The following C15orf39 variants were observed in gnomAD, a reference collection of about 807,000 sequenced individuals.
C15orf39 encodes the protein PRMT2 interacting protein.
C15orf39 carries 24 observed loss-of-function variants against 53.9 expected under a neutral mutation model. The observed-to-expected ratio is 0.45, with a 90% CI of 0.32 to 0.63. The LOEUF (loss-of-function observed/expected upper bound fraction) is 0.63, where lower values mean the gene tolerates loss of function less well. C15orf39 is among the 20% of genes least tolerant of loss of function. The pLI is 0.04. For synonymous variants in C15orf39, 569 were observed against 576.5 expected (o/e 0.99, Z 0.19); for missense variants, 1,271 against 1,347.9 (o/e 0.94, Z 0.89).
At chr15:75,210,118 C>T (rs868500816) in intron 2 of C15orf39, among the ~76,000 whole-genome samples, 7 of 152,154 alleles carry the variant, frequency 4.6e-5, no homozygotes, top group Admixed American at 1.3e-4. Flanking sequence ...CCACACAGTC[C>T]GAGGTGCTCT....
Position 75,206,775 on chromosome 15 carries a change from T to C in C15orf39, c.727T>C (p.Ser243Pro), listed in dbSNP as rs138518753. Residue 243 changes from serine to proline, a missense_variant, in exon 2 of 3, where the codon TCT becomes CCT. Physicochemically the swap from Ser to Pro is moderately conservative, Grantham distance 74 (BLOSUM62 -1). Coordinates refer to ENST00000394987, the MANE Select transcript of C15orf39 (RefSeq NM_015492.5). ...PYPRNSKQAM[S>P]EGPSSPWTQL... ...CCCTAGGAACTCCAAGCAAGCAATG[T>C]CTGAGGGGCCCTCAAGTCCTTGGAC... 17 of 1,611,938 alleles carry C rather than the reference T, an allele frequency of 1.1e-5. No individual in the cohort carries two copies. Among genetic ancestry groups the C allele is most frequent in the Non-Finnish European group, 1.4e-5 (16 of 1,179,140 alleles).
chr15:75,203,687 G>A (rs1004404211), intron 1 of C15orf39, among the ~76,000 whole-genome samples: 7 of 152,180 alleles, frequency 4.6e-5, no homozygotes, highest in African/African-American at 1.4e-4. Flanking sequence ...CTGAGACCCA[G>A]GAGAGAGGGA....
At chr15:75,205,904 A>T in intron 1 of C15orf39, 95 bp from the exon 2 acceptor site, 1 of 803,982 alleles carries the variant, frequency 1.2e-6, no homozygotes, top group Non-Finnish European at 1.9e-6. Context: ...CCAGGTTCTT[A>T]GGTGTAGCCG....
At chr15:75,209,186 C>T (rs1002497662) in intron 2 of C15orf39, 3 of 240,302 alleles carry the variant, frequency 1.2e-5, no homozygotes, top group Non-Finnish European at 2.5e-5. Context: ...GAGATAATTT[C>T]CCTGATCTCC....
At chr15:75,202,246 G>C (rs2070408409) in intron 1 of C15orf39, 187 bp downstream of exon 1, 1 of 152,322 alleles carries the variant, frequency 6.6e-6, no homozygotes, top group Non-Finnish European at 1.5e-5. Context: ...GGGCTGCGGG[G>C]CAGGGGTGGC....
At position 75,208,824 on chromosome 15, in the gene C15orf39, G is replaced by T. The variant is rs1490173542; in HGVS notation, c.2776G>T (p.Gly926Cys). ...GCGCGACTGTGTACGCCGCCAGCTG[G>T]GTGAGCATGGGGCAGCCCCAGTGGC... Reference protein sequence around the residue: ...QWRDCVRRQLGDFDTEAGAVS... With the variant: ...QWRDCVRRQLCDFDTEAGAVS... Residue 926 changes from glycine to cysteine, a missense_variant and splice_region_variant, in exon 2 of 3, where the codon GGT becomes TGT. This residue lies in a region of C15orf39 where 277 missense variants were observed against 354.1 expected (regional missense o/e 0.78). Coordinates refer to ENST00000394987, the MANE Select transcript of C15orf39 (RefSeq NM_015492.5). The T allele has an allele frequency of 1.3e-6, 2 of 1,588,586 alleles. No homozygotes were observed. The highest frequency in any genetic ancestry group is 1.7e-6 in the Non-Finnish European group (2 of 1,169,092).
chr15:75,209,174 CTGAGA>C (rs2070465854), intron 2 of C15orf39: 4 of 261,296 alleles, frequency 1.5e-5, no homozygotes, highest in Admixed American at 5.0e-5. Context: ...TGTTTTCTAG[CTGAGA>C]TAATTTCCCT....
rs1228040014 is a variant in C15orf39, at chr15:75,206,501, G to C, written c.453G>C (p.Val151=). Residue 151 remains valine (V), a synonymous_variant, in exon 2 of 3, where the codon GTG becomes GTC. Transcript: ENST00000394987. ...CAACTTGTCTGGGGGAAGGAGCAGT[G>C]AAGAGGCCACTGGATGTTGACTGGA... The part of the protein sequence containing the change: ...GLSTCLGEGA[V]KRPLDVDWTL... 2 of 1,614,100 alleles carry C rather than the reference G, an allele frequency of 1.2e-6. No individual in the cohort carries two copies. The highest frequency in any genetic ancestry group is 1.7e-6 in the Non-Finnish European group (2 of 1,179,990).
At chr15:75,203,422 G>A (rs976352373) in intron 1 of C15orf39, among the ~76,000 whole-genome samples, 1 of 152,220 alleles carries the variant, frequency 6.6e-6, no homozygotes, top group Non-Finnish European at 1.5e-5. Flanking sequence ...ATGGGTCAGG[G>A]AAGGAGGCAC....
rs187815876 is a variant in C15orf39, at chr15:75,207,210, T to C, written c.1162T>C (p.Tyr388His). The C allele has an allele frequency of 1.2e-5, 20 of 1,613,756 alleles. No homozygotes were observed. The East Asian group carries it at 2.9e-4, about 23-fold the overall frequency. ...FPYARDDLSL[Y>H]GASPGLGGTP... is the part of the protein sequence containing the mutation. ...TTATGCCCGGGATGACCTCTCTCTC[T>C]ATGGAGCATCCCCTGGGCTTGGAGG... The change falls in exon 2 of 3, where the codon TAT becomes CAT. Residue 388 changes from tyrosine (Y) to histidine (H), a missense_variant. Around this residue, in one of 2 missense-constraint regions of C15orf39, gnomAD observed 994 missense variants for 993.7 expected, o/e 1.00. Transcript: ENST00000394987.
upstream of C15orf39, among the ~76,000 whole-genome samples, chr15:75,200,076 T>C (rs879545848): frequency 2.0e-5 from 3 of 152,220 alleles, no homozygotes; most frequent in African/African-American, 7.2e-5. Flanking sequence ...CACACTGATG[T>C]TGGCCGACAC....
chr15:75,208,122 C>T lies in C15orf39; in HGVS notation c.2074C>T (p.Arg692Trp). 3 of 1,614,122 alleles carry T rather than the reference C, an allele frequency of 1.9e-6. No individual in the cohort carries two copies. The highest frequency in any genetic ancestry group is 2.5e-6 in the Non-Finnish European group (3 of 1,180,026). Reference protein sequence around the residue: ...PTPTSGPIGLRILAQQPLSVT... With the variant: ...PTPTSGPIGLWILAQQPLSVT... ...CCCCACATCTGGGCCCATTGGACTGCGGATTCTCGCTCAACAGCCCTTGTC... is the reference window on the plus strand; with the variant it reads ...CCCCACATCTGGGCCCATTGGACTGTGGATTCTCGCTCAACAGCCCTTGTC... Residue 692 changes from arginine (R) to tryptophan (W), a missense_variant, in exon 2 of 3, where the codon CGG (arginine) becomes TGG (tryptophan). Transcript: ENST00000394987.
Position 75,207,916 on chromosome 15 carries a change from CAG to C in C15orf39, c.1870_1871del (p.Glu624SerfsTer152). The C allele has an allele frequency of 6.2e-7, 1 of 1,613,754 alleles. No individual in the cohort carries two copies. On this transcript the variant is annotated frameshift_variant, in exon 2 of 3. Coordinates refer to ENST00000394987, the MANE Select transcript of C15orf39 (RefSeq NM_015492.5). LOFTEE classifies it high-confidence loss of function. ...CTGCCAGGCCTGAAAAAGATAGACACAGAAGCACCAGGCTTGCCTGGGGTGCC... is the reference window on the plus strand; with the variant it reads ...CTGCCAGGCCTGAAAAAGATAGACACAAGCACCAGGCTTGCCTGGGGTGCC...
At chr15:75,204,662 C>G (rs1335424524) in intron 1 of C15orf39, among the ~76,000 whole-genome samples, 3 of 152,236 alleles carry the variant, frequency 2.0e-5, no homozygotes, top group South Asian at 2.1e-4. Flanking sequence ...CATGCACAAC[C>G]ATGCCTGGCT....
chr15:75,199,699 C>T (rs1212821589), upstream of C15orf39, among the ~76,000 whole-genome samples: 4 of 151,808 alleles, frequency 2.6e-5, no homozygotes. Flanking sequence ...GTGTGTGTTG[C>T]ATGTGAAACC....
In C15orf39 at chr15:75,211,038, C is replaced by A. The variant is rs773652097; in HGVS notation, c.3066C>A (p.Thr1022=). Residue 1022 remains threonine (T), a synonymous_variant, in exon 3 of 3, where the codon ACC becomes ACA. Transcript: ENST00000394987. ...TAWLNGLALP[T]WGHKSSRPDQ... ...GGCTCAATGGCCTGGCTCTGCCCAC[C>A]TGGGGCCACAAGTCCTCAAGACCAG... is the stretch of plus-strand genomic sequence containing the variant. 2.5e-5 allele frequency: 40 copies of A among 1,608,236 alleles called. No homozygotes were observed. The highest frequency in any genetic ancestry group is 3.0e-5 in the Non-Finnish European group (35 of 1,180,000).
rs139413555 is a variant in C15orf39 at position 75,208,550 on chromosome 15, C to G, written c.2502C>G (p.Pro834=). ...RFDRTHRCPF[P]HVVRAGAIFV... Reference sequence around the variant, plus strand: ...ATCGCACCCACCGGTGCCCCTTCCCCCATGTGGTGCGAGCTGGCGCCATCT... The same window carrying G: ...ATCGCACCCACCGGTGCCCCTTCCCGCATGTGGTGCGAGCTGGCGCCATCT... Residue 834 remains proline, a synonymous_variant, in exon 2 of 3, where the codon CCC becomes CCG. Transcript: ENST00000394987. 1 of 1,573,792 alleles carries G rather than the reference C, an allele frequency of 6.4e-7. No individual in the cohort carries two copies. Among genetic ancestry groups the G allele is most frequent in the African/African-American group, 1.3e-5 (1 of 74,170 alleles).
At chr15:75,201,329 A>G (rs529618219), upstream of C15orf39, among the ~76,000 whole-genome samples, 43 of 152,200 alleles carry the variant, frequency 2.8e-4, no homozygotes, top group Middle Eastern at 3.4e-3. This position sits in a 1 kb window ranked among gnomAD's most constrained non-coding sequence, Gnocchi z 4.7. Context: ...CGGCCCTTCC[A>G]GGGATGGGGA....
chr15:75,204,762 G>A (rs770939325), intron 1 of C15orf39, among the ~76,000 whole-genome samples: 1 of 152,114 alleles, frequency 6.6e-6, no homozygotes, highest in African/African-American at 2.4e-5. Flanking sequence ...CGCACACCTC[G>A]GCTTCCCAAA....
Sources: allele counts gnomAD v4.1 joint callset (sites outside exome capture counted in the v4.1 genomes callset), GRCh38; gene constraint gnomAD v4.1.1; regional missense constraint gnomAD v4.1.1; non-coding constraint Gnocchi (gnomAD v3.1); transcripts MANE v1.5; gene names NCBI Gene and HGNC (gene_info 2026-07-23, HGNC 2026-07-21).